The following SLC26A5 variants were observed in gnomAD, a reference collection of about 807,000 sequenced individuals.
SLC26A5 encodes prestin.
A neutral mutation model predicts 81.0 loss-of-function variants in SLC26A5; 51 were observed. The ratio of observed to expected loss-of-function variants is 0.63; its 90% confidence interval spans 0.50 to 0.80. The LOEUF is 0.80. SLC26A5 is among the 30% of genes least tolerant of loss of function. SLC26A5 has a pLI of 0.00. For missense variants in SLC26A5, 771 were observed against 905.8 expected (o/e 0.85, Z 1.91); for synonymous variants, 325 against 332.8 (o/e 0.98, Z 0.25).
rs59914167 is a variant in SLC26A5, at chr7:103,364,958, C to CATATATATATATATATATATAT, written c.2041+11828_2041+11849dup. 2.4e-3 allele frequency among the ~76,000 whole-genome samples: 303 copies of CATATATATATATATATATATAT among 125,372 alleles called. 2 individuals are homozygous for CATATATATATATATATATATAT. The highest frequency in any genetic ancestry group is 3.2e-3 in the Admixed American group (39 of 12,022). The allele number at this position is 125,372 out of a possible 152,430, so 82.2% of individuals were successfully genotyped here. A position where few individuals can be genotyped will look rare whatever the true frequency, so the allele number is the denominator to read the frequency against. ...GGTTGTTTTTATGTTTGTAGACATA[C>CATATATATATATATATATATAT]ATATATATATATATATATATATATA... On this transcript the variant is annotated intron_variant, in intron 19 of 19. Transcript: ENST00000339444.
At chr7:103,402,834 T>G (rs1202601529) in intron 8 of SLC26A5, among the ~76,000 whole-genome samples, 1 of 152,178 alleles carries the variant, frequency 6.6e-6, no homozygotes, top group Non-Finnish European at 1.5e-5. Context: ...GCTCCTGGAT[T>G]CATTGATTTT....
intron 19 of SLC26A5, chr7:103,355,090 C>T: frequency 3.1e-6 from 2 of 652,984 alleles, no homozygotes; most frequent in Non-Finnish European, 5.3e-6. Flanking sequence ...GAAATTAGAT[C>T]TCATTTAACC....
Position 103,407,965 on chromosome 7 carries a change from G to T in SLC26A5, c.774C>A (p.Asn258Lys). The T allele has an allele frequency of 6.2e-7, 1 of 1,614,152 alleles. No individual in the cohort carries two copies. Among genetic ancestry groups the T allele is most frequent in the Non-Finnish European group, 8.5e-7 (1 of 1,180,026 alleles). ...VAVLQNVKNL[N>K]VCSLGVGLMV... ...TCAGCCCGACGCCTAGGGAACACAC[G>T]TTGAGGTTTTTAACATTCTGCAACA... Residue 258 changes from asparagine (N) to lysine (K), a missense_variant, in exon 8 of 20, where the codon AAC (asparagine) becomes AAA (lysine). Asn to Lys is a moderately conservative substitution (Grantham distance 94). Transcript: ENST00000306312.
At chr7:103,419,424 C>T (rs1030628495) in intron 4 of SLC26A5, among the ~76,000 whole-genome samples, 1 of 152,160 alleles carries the variant, frequency 6.6e-6, no homozygotes. Flanking sequence ...TTGTACCATA[C>T]CCAATTCTTT....
At chr7:103,388,584 C>A (rs1490574574) in intron 14 of SLC26A5, 2 of 324,094 alleles carry the variant, frequency 6.2e-6, no homozygotes, top group Non-Finnish European at 1.2e-5. Flanking sequence ...GAAAGTGGTT[C>A]AGGGTGGAGG....
intron 2 of SLC26A5, among the ~76,000 whole-genome samples, chr7:103,442,182 C>A (rs1191467326): frequency 6.6e-6 from 1 of 152,206 alleles, no homozygotes; most frequent in Middle Eastern, 3.4e-3. Flanking sequence ...GCTCTTGTTG[C>A]CCAGGCTGGA....
chr7:103,353,819 T>C (rs1467963602), intron 19 of SLC26A5: 8 of 1,025,120 alleles, frequency 7.8e-6, no homozygotes. Context: ...GACACTCACT[T>C]AAAACAATTT....
At chr7:103,377,296 A>C (rs1821423361) in intron 18 of SLC26A5, among the ~76,000 whole-genome samples, 1 of 152,218 alleles carries the variant, frequency 6.6e-6, no homozygotes, top group Admixed American at 6.5e-5. Context: ...GTAGCAATAC[A>C]CATTAAAATA....
chr7:103,380,432 G>A, intron 15 of SLC26A5, 48 bp downstream of exon 15: 1 of 1,486,608 alleles, frequency 6.7e-7, no homozygotes, highest in Non-Finnish European at 9.4e-7. Flanking sequence ...ACTTAGCCAA[G>A]CACATCACAT....
chr7:103,397,770 A>G (rs1296719137), intron 9 of SLC26A5, among the ~76,000 whole-genome samples, 162 bp downstream of exon 9: 1 of 151,992 alleles, frequency 6.6e-6, no homozygotes, highest in East Asian at 1.9e-4. Flanking sequence ...TTTTACTACA[A>G]TAAAAATAAA....
intron 19 of SLC26A5, among the ~76,000 whole-genome samples, chr7:103,365,394 G>A (rs925603936): frequency 6.6e-6 from 1 of 152,186 alleles, no homozygotes; most frequent in Non-Finnish European, 1.5e-5. Flanking sequence ...CACTTTGGGA[G>A]GCAGAGGCAG....
intron 19 of SLC26A5, among the ~76,000 whole-genome samples, chr7:103,364,980 TA>T (rs1820626660): frequency 6.9e-6 from 1 of 145,782 alleles, no homozygotes; most frequent in Non-Finnish European, 1.5e-5. Flanking sequence ...TATATATATA[TA>T]TATTTAGAGA....
chr7:103,407,907 A>G lies in SLC26A5; in HGVS notation c.832T>C (p.Phe278Leu), dbSNP rs1174858639. ...AATTTCTCTTTAAATCTCTCATTAA[A>G]CTCCTTGCCACCCAACAGCAAACCA... ...VFGLLLGGKE[F>L]NERFKEKLPA... The change falls in exon 8 of 20, where the codon TTT becomes CTT. Residue 278 changes from phenylalanine (F) to leucine (L), a missense_variant. Coordinates refer to ENST00000306312, the MANE Select transcript of SLC26A5 (RefSeq NM_198999.3). 6.2e-7 allele frequency: 1 copy of G among 1,613,762 alleles called. No homozygotes were observed. Among genetic ancestry groups the G allele is most frequent in the Admixed American group, 1.7e-5 (1 of 59,960 alleles).
chr7:103,381,284 CAT>C (rs939997039), intron 14 of SLC26A5, among the ~76,000 whole-genome samples: 1 of 151,470 alleles, frequency 6.6e-6, no homozygotes, highest in Admixed American at 6.6e-5. Flanking sequence ...ACCACACACA[CAT>C]ACACAATACA....
At chr7:103,388,037 C>G (rs561007759) in intron 14 of SLC26A5, among the ~76,000 whole-genome samples, 91 of 152,056 alleles carry the variant, frequency 6.0e-4, no homozygotes, top group African/African-American at 2.1e-3. Context: ...TGATTTATCA[C>G]AAAAAGGTGT....
At chr7:103,365,065 G>C (rs1267888987) in intron 19 of SLC26A5, among the ~76,000 whole-genome samples, 1 of 149,022 alleles carries the variant, frequency 6.7e-6, no homozygotes, top group Non-Finnish European at 1.5e-5. Flanking sequence ...AATTAGCTAC[G>C]GAGCTGCGTG....
At chr7:103,415,218 A>T (rs1462924485) in intron 4 of SLC26A5, among the ~76,000 whole-genome samples, 1 of 152,146 alleles carries the variant, frequency 6.6e-6, no homozygotes, top group Non-Finnish European at 1.5e-5. Flanking sequence ...GAATGTTGTT[A>T]AAAAAATTTA....
chr7:103,414,971 T>C (rs942725078), intron 4 of SLC26A5, among the ~76,000 whole-genome samples: 4 of 152,176 alleles, frequency 2.6e-5, no homozygotes, highest in African/African-American at 9.7e-5. Flanking sequence ...TCTGTTAAAG[T>C]GACACACTCA....
intron 9 of SLC26A5, among the ~76,000 whole-genome samples, chr7:103,397,363 A>C (rs1281860883): frequency 6.6e-6 from 1 of 151,668 alleles, no homozygotes; most frequent in Non-Finnish European, 1.5e-5. Context: ...AACATGGTGA[A>C]ACCCCGTCTC....
Sources: gnomAD v4.1 joint callset for allele counts (sites outside exome capture counted in the v4.1 genomes callset) on GRCh38, gnomAD v4.1.1 for gene constraint, MANE v1.5 for transcripts, NCBI Gene and HGNC (gene_info 2026-07-23, HGNC 2026-07-21) for gene names.